Variants in CCNE1 observed in about 807,000 individuals in gnomAD.
CCNE1 encodes G1/S-specific cyclin-E1.
In CCNE1, 8 loss-of-function variants were observed where a neutral mutation model predicts 54.1. That is an observed-to-expected ratio of 0.15 (90% confidence interval 0.09 to 0.27). CCNE1 has a LOEUF of 0.27. Among genes scored for constraint, CCNE1 ranks in the 10% least tolerant of loss-of-function variants. The probability of loss-of-function intolerance (pLI) is 1.00; values close to 1 mark genes in which losing one functional copy is unlikely to be tolerated. For missense variants in CCNE1, 430 were observed against 514.9 expected, an observed-to-expected ratio of 0.84 and a Z score of 1.60; for synonymous variants, 179 against 185.2, an observed-to-expected ratio of 0.97 and a Z score of 0.27.
chr19:29,811,998 G>C lies in CCNE1; in HGVS notation c.-179G>C, dbSNP rs527503681. The C allele has an allele frequency of 7.9e-3, 1,164 of 147,392 alleles. 10 individuals are homozygous for C. Among genetic ancestry groups the C allele is most frequent in the Admixed American group, 0.013 (188 of 14,800 alleles). The allele number at this position is 147,392 out of a possible 1,614,324, so 9.1% of individuals were successfully genotyped here. On this transcript the variant is annotated 5_prime_UTR_variant, in exon 1 of 12. Transcript: ENST00000262643. ...CCGCTCTGAGCCGGGCGCAGGAGCAGCCGGCGCGGCCGCCAGCGCGGTGTA... is the reference window on the plus strand; with the variant it reads ...CCGCTCTGAGCCGGGCGCAGGAGCACCCGGCGCGGCCGCCAGCGCGGTGTA...
chr19:29,814,554 T>C (rs1332335627), intron 4 of CCNE1, among the ~76,000 whole-genome samples: 4 of 152,338 alleles, frequency 2.6e-5, no homozygotes, highest in South Asian at 4.1e-4. Context: ...TTTTGTAGAG[T>C]AGATAGCTTA....
Position 29,823,951 on chromosome 19 carries a change from A to C in CCNE1, c.*174A>C, listed in dbSNP as rs1599605676. On this transcript the variant is annotated 3_prime_UTR_variant, in exon 12 of 12. Coordinates refer to ENST00000262643, the MANE Select transcript of CCNE1 (RefSeq NM_001238.4). ...AACAGGGCAAAGTGTTTTTTATTGA[A>C]TGCTTATAGGTTTTTTTTAAATAAG... is the stretch of plus-strand genomic sequence containing the variant. 1 of 665,916 alleles carries C rather than the reference A, an allele frequency of 1.5e-6. No homozygotes were observed. Among genetic ancestry groups the C allele is most frequent in the East Asian group, 3.0e-5 (1 of 33,048 alleles). The allele number at this position is 665,916 out of a possible 1,614,324, so 41.3% of individuals were successfully genotyped here.
intron 10 of CCNE1, 44 bp from the exon 11 acceptor site, chr19:29,822,402 C>A (rs1974171915): frequency 6.2e-7 from 1 of 1,613,878 alleles, no homozygotes; most frequent in Non-Finnish European, 8.5e-7. Context: ...AAGCTTACAT[C>A]CAGTTGTCAG....
intron 6 of CCNE1, among the ~76,000 whole-genome samples, chr19:29,820,240 G>A (rs1974117439): frequency 6.6e-6 from 1 of 152,152 alleles, no homozygotes; most frequent in Non-Finnish European, 1.5e-5. Flanking sequence ...GGCCAGAAGG[G>A]CCCCTCATTT....
At chr19:29,812,664 G>A (rs1973919806) in intron 2 of CCNE1, 25 bp from the exon 3 acceptor site, 1 of 1,571,330 alleles carries the variant, frequency 6.4e-7, no homozygotes, top group South Asian at 1.2e-5. Context: ...GTGCTCACCC[G>A]GCCCGGTGCC....
intron 6 of CCNE1, among the ~76,000 whole-genome samples, chr19:29,818,277 T>C (rs996468139): frequency 6.6e-6 from 1 of 152,082 alleles, no homozygotes; most frequent in African/African-American, 2.4e-5. Context: ...TTGCCCGCCT[T>C]GGCCTCCCAA....
chr19:29,823,365 G>A (rs371012604), intron 11 of CCNE1, among the ~76,000 whole-genome samples: 44 of 152,222 alleles, frequency 2.9e-4, no homozygotes, highest in African/African-American at 9.9e-4. Flanking sequence ...CCAAAATGGC[G>A]AAACCCTGTC....
At position 29,817,237 on chromosome 19, in the gene CCNE1, C is replaced by G. The variant is rs1974040956; in HGVS notation, c.281C>G (p.Pro94Arg). Reference protein sequence around the residue: ...DRVYPNSTCKPRIIAPSRGSP... With the variant: ...DRVYPNSTCKRRIIAPSRGSP... ...GTTTACCCAAACTCAACGTGCAAGC[C>G]TCGGATTATTGCACCATCCAGAGGC... Residue 94 changes from proline to arginine, a missense_variant, in exon 5 of 12, where the codon CCT (proline) becomes CGT (arginine). Physicochemically the swap from Pro to Arg is moderately radical, Grantham distance 103. This residue lies in a region of CCNE1 where 303 missense variants were observed against 401.1 expected (regional missense o/e 0.76). Coordinates refer to ENST00000262643, the MANE Select transcript of CCNE1 (RefSeq NM_001238.4). The G allele has an allele frequency of 6.2e-7, 1 of 1,614,178 alleles. No homozygotes were observed. The highest frequency in any genetic ancestry group is 8.5e-7 in the Non-Finnish European group (1 of 1,180,030).
chr19:29,813,026 T>C lies in CCNE1; in HGVS notation c.169T>C (p.Cys57Arg). 2 of 1,614,150 alleles carry C rather than the reference T, an allele frequency of 1.2e-6. No homozygotes were observed. Among genetic ancestry groups the C allele is most frequent in the Non-Finnish European group, 1.7e-6 (2 of 1,180,014 alleles). The change falls in exon 4 of 12, where the codon TGT becomes CGT. Residue 57 changes from cysteine to arginine, a missense_variant. By Grantham distance (180) the Cys-to-Arg change is radical. Coordinates refer to ENST00000262643, the MANE Select transcript of CCNE1 (RefSeq NM_001238.4). ...AKIDRTARDQ[C>R]GSQPWDNNAV... ...AATCGACAGGACGGCGAGGGACCAG[T>C]GTGGGAGCCAGGTAGGTCCGCCCGG...
Position 29,821,786 on chromosome 19 carries a change from A to G in CCNE1, c.674A>G (p.Glu225Gly). 6.2e-7 allele frequency: 1 copy of G among 1,613,084 alleles called. No individual in the cohort carries two copies. Among genetic ancestry groups the G allele is most frequent in the Non-Finnish European group, 8.5e-7 (1 of 1,179,102 alleles). The change falls in exon 8 of 12, where the codon GAA becomes GGA. Residue 225 changes from glutamate (E) to glycine (G), a missense_variant. Glu to Gly is a moderately conservative substitution (Grantham distance 98, BLOSUM62 -2). Transcript: ENST00000262643. ...YVTDGACSGD[E>G]ILTMELMIMK... ...ACAGATGGAGCTTGTTCAGGAGATG[A>G]AATTCTCACCATGGAATTAATGATT...
At chr19:29,818,220 G>T (rs562642480) in intron 6 of CCNE1, among the ~76,000 whole-genome samples, 1 of 152,250 alleles carries the variant, frequency 6.6e-6, no homozygotes, top group Non-Finnish European at 1.5e-5. Context: ...TAGAAATGGG[G>T]TTTCACCGTG....
chr19:29,820,563 AAAC>A, intron 6 of CCNE1, 136 bp from the exon 7 acceptor site: 2 of 666,420 alleles, frequency 3.0e-6, no homozygotes, highest in Non-Finnish European at 5.1e-6. Context: ...AAAAACAAAA[AAAC>A]AAAAAACTAT....
chr19:29,812,875 C>T (rs1345380342), intron 3 of CCNE1, 94 bp from the exon 4 acceptor site: 4 of 1,589,512 alleles, frequency 2.5e-6, no homozygotes, highest in East Asian at 4.5e-5. Context: ...TGGGCAGGAA[C>T]GGAGCTCATA....
At chr19:29,822,987 G>T (rs41520849) in intron 11 of CCNE1, among the ~76,000 whole-genome samples, 2 of 151,384 alleles carry the variant, frequency 1.3e-5, no homozygotes, top group African/African-American at 4.9e-5. Context: ...CTTTTCTTCA[G>T]GCAGGCCCCA....
intron 4 of CCNE1, among the ~76,000 whole-genome samples, chr19:29,815,291 G>A (rs1161203775): frequency 3.3e-5 from 5 of 152,216 alleles, no homozygotes; most frequent in African/African-American, 7.2e-5. Flanking sequence ...AACTTACAGC[G>A]GTTGTAATGT....
intron 4 of CCNE1, chr19:29,813,469 T>G: frequency 6.4e-6 from 1 of 157,114 alleles, no homozygotes; most frequent in Non-Finnish European, 1.4e-5. Context: ...AGCAACAACT[T>G]TCCCCCTATC....
chr19:29,820,941 C>G, intron 7 of CCNE1, 93 bp downstream of exon 7: 6 of 966,160 alleles, frequency 6.2e-6, no homozygotes, highest in Non-Finnish European at 7.9e-6. Flanking sequence ...GCCTATAGCA[C>G]TCATCCTAAA....
At chr19:29,818,531 CAT>C (rs896557835) in intron 6 of CCNE1, among the ~76,000 whole-genome samples, 1 of 152,156 alleles carries the variant, frequency 6.6e-6, no homozygotes, top group African/African-American at 2.4e-5. Flanking sequence ...AAATTGTAAA[CAT>C]ATATGAACAA....
At chr19:29,812,621 G>C (rs751127771) in intron 2 of CCNE1, 43 bp downstream of exon 2, 3 of 1,547,256 alleles carry the variant, frequency 1.9e-6, no homozygotes, top group South Asian at 2.4e-5. Context: ...GGGACGGGAC[G>C]GGACGGGTGG....
Sources: allele counts gnomAD v4.1 joint callset (sites outside exome capture counted in the v4.1 genomes callset), GRCh38; gene constraint gnomAD v4.1.1; regional missense constraint gnomAD v4.1.1; transcripts MANE v1.5; gene names NCBI Gene and HGNC (gene_info 2026-07-23, HGNC 2026-07-21).